Variants in HTR2C observed in about 807,000 individuals in gnomAD.
HTR2C encodes 5-hydroxytryptamine (serotonin) receptor 2C, G protein-coupled.
Under a neutral mutation model 21.0 loss-of-function variants are expected in HTR2C, and 5 were observed. The observed-to-expected ratio is 0.24, with a 90% CI of 0.12 to 0.50. HTR2C has a LOEUF of 0.50. Ranked by LOEUF, HTR2C falls within the 20% of genes least tolerant of loss-of-function variation. The pLI, the probability that HTR2C is intolerant of heterozygous loss-of-function variation, is 0.98. For missense variants in HTR2C, 271 were observed against 371.2 expected, an observed-to-expected ratio of 0.73 and a Z score of 2.22; for synonymous variants, 150 against 145.3, an observed-to-expected ratio of 1.03 and a Z score of -0.23.
intron 5 of HTR2C, among the ~76,000 whole-genome samples, chrX:114,864,175 G>C (rs1556473864): frequency 1.0e-5 from 1 of 96,008 alleles, no homozygotes; most frequent in East Asian, 3.5e-4. Context: ...CCATTTTCTT[G>C]TTTGTTTTCT....
Position 114,723,709 on chromosome X carries a change from T to A in HTR2C, c.-79-3149T>A, listed in dbSNP as rs782368796. ...TGAATGCGTCCCAGAGATTCTGGTA[T>A]GTTGTGTCTTTGCTCTCATTGGTTT... On this transcript the variant is annotated intron_variant, in intron 2 of 5. Transcript: ENST00000276198. 1.3e-4 allele frequency among the ~76,000 whole-genome samples: 15 copies of A among 111,127 alleles called. No individual in the cohort carries two copies. In the East Asian group the frequency reaches 3.4e-3, roughly 25 times the overall value.
intron 4 of HTR2C, among the ~76,000 whole-genome samples, chrX:114,797,271 G>T (rs1312388934): frequency 1.8e-5 from 2 of 111,119 alleles, no homozygotes; most frequent in African/African-American, 6.5e-5. Flanking sequence ...GTTCTGGTAA[G>T]ACCAATATGT....
intron 1 of HTR2C, among the ~76,000 whole-genome samples, chrX:114,587,508 A>G (rs1250859833): frequency 8.9e-6 from 1 of 112,232 alleles, no homozygotes; most frequent in Non-Finnish European, 1.9e-5. Context: ...AGTTAATAAT[A>G]TATTATTGTG....
rs200743712 is a variant in HTR2C, at chrX:114,906,647, C to T, written c.609C>T (p.Asn203=). 1 of 1,210,579 alleles carries T rather than the reference C, an allele frequency of 8.3e-7. No homozygotes were observed. The highest frequency in any genetic ancestry group is 1.1e-6 in the Non-Finnish European group (1 of 894,854). ...GGGACGAAGAAAAGGTGTTCGTGAA[C>T]AACACGACGTGCGTGCTCAACGACC... The part of the protein sequence containing the change: ...GLRDEEKVFV[N]NTTCVLNDPN... The change falls in exon 6 of 6, where the codon AAC becomes AAT. Residue 203 remains asparagine (N), a synonymous_variant. Transcript: ENST00000276198.
At chrX:114,822,494 C>G (rs1341105448) in intron 4 of HTR2C, among the ~76,000 whole-genome samples, 1 of 112,195 alleles carries the variant, frequency 8.9e-6, no homozygotes, top group East Asian at 2.8e-4. Flanking sequence ...TTCCACCACT[C>G]AAGATCCATA....
chrX:114,593,128 AGAC>A (rs1344320269), intron 1 of HTR2C, among the ~76,000 whole-genome samples: 2 of 112,458 alleles, frequency 1.8e-5, no homozygotes, highest in East Asian at 5.6e-4. Flanking sequence ...CAGTGTAAAA[AGAC>A]TACTGGCCAT....
intron 5 of HTR2C, among the ~76,000 whole-genome samples, chrX:114,855,705 A>G (rs1183535803): frequency 9.7e-6 from 1 of 103,313 alleles, no homozygotes; most frequent in Non-Finnish European, 2.0e-5. Flanking sequence ...TAATCTTGCA[A>G]CTCTAACAAT....
intron 2 of HTR2C, among the ~76,000 whole-genome samples, chrX:114,720,621 T>C (rs1556420490): frequency 2.2e-5 from 2 of 91,096 alleles, no homozygotes; most frequent in South Asian, 7.0e-4. Flanking sequence ...ACCCACTAAC[T>C]CGTCATCGAG....
At chrX:114,873,971 T>G (rs2071111987) in intron 5 of HTR2C, among the ~76,000 whole-genome samples, 1 of 110,654 alleles carries the variant, frequency 9.0e-6, no homozygotes, top group African/African-American at 3.3e-5. Flanking sequence ...TACATCATTC[T>G]ACTCTCTGCT....
At chrX:114,635,188 C>T (rs1929796622) in intron 2 of HTR2C, among the ~76,000 whole-genome samples, 1 of 112,093 alleles carries the variant, frequency 8.9e-6, no homozygotes, top group Non-Finnish European at 1.9e-5. Context: ...TGTCCCTTAC[C>T]TGAAGAAGCA....
At chrX:114,868,512 G>A (rs1000834287) in intron 5 of HTR2C, among the ~76,000 whole-genome samples, 1 of 111,178 alleles carries the variant, frequency 9.0e-6, no homozygotes, top group African/African-American at 3.3e-5. Context: ...TTTAATGGCT[G>A]AATAATAACC....
At chrX:114,706,478 T>C (rs1473180770) in intron 2 of HTR2C, among the ~76,000 whole-genome samples, 1 of 99,476 alleles carries the variant, frequency 1.0e-5, no homozygotes, top group African/African-American at 3.7e-5. Context: ...AAACACCGCA[T>C]GTTCTCACTC....
intron 1 of HTR2C, among the ~76,000 whole-genome samples, chrX:114,586,851 G>A (rs184789981): frequency 1.2e-3 from 138 of 110,799 alleles, no homozygotes; most frequent in African/African-American, 4.3e-3. Flanking sequence ...ATGAATGACG[G>A]AGATATTATT....
At chrX:114,671,082 A>G (rs1556411645) in intron 2 of HTR2C, among the ~76,000 whole-genome samples, 1 of 111,946 alleles carries the variant, frequency 8.9e-6, no homozygotes, top group African/African-American at 3.2e-5. Flanking sequence ...AATAATTTTA[A>G]TTAATATATA....
intron 5 of HTR2C, among the ~76,000 whole-genome samples, chrX:114,883,223 T>A (rs2071195257): frequency 9.1e-6 from 1 of 110,445 alleles, no homozygotes; most frequent in South Asian, 3.8e-4. Flanking sequence ...TCATTTTTGA[T>A]CCTAATAATT....
rs1401100035 is a variant in HTR2C, at chrX:114,860,980, G to A, written c.550+12777G>A. The stretch of plus-strand genomic sequence containing the variant: ...TGAGATACATAGAGATAGTAAAAAG[G>A]TTACTATAGTGAAGCAAATGAATAT... On this transcript the variant is annotated intron_variant, in intron 5 of 5. Coordinates refer to ENST00000276198, the MANE Select transcript of HTR2C (RefSeq NM_000868.4). Among the ~76,000 whole-genome samples the A allele has an allele frequency of 2.7e-5, 3 of 111,179 alleles. No homozygotes were observed. The Admixed American group carries it at 2.9e-4, about 11-fold the overall frequency.
At chrX:114,805,868 T>TATATATACCATATATATACCATATATACC (rs1282513187) in intron 4 of HTR2C, among the ~76,000 whole-genome samples, 2 of 89,262 alleles carry the variant, frequency 2.2e-5, no homozygotes, top group African/African-American at 8.2e-5. Context: ...ATATATACCA[T>TATATATACCATATATATACCATATATACC]ATATATACAC....
chrX:114,633,692 C>G (rs1394553387), intron 2 of HTR2C, among the ~76,000 whole-genome samples: 2 of 110,226 alleles, frequency 1.8e-5, no homozygotes, highest in East Asian at 5.7e-4. Context: ...AAAATTGTAT[C>G]AAAATTTATT....
At chrX:114,612,293 A>C (rs900450032) in intron 1 of HTR2C, among the ~76,000 whole-genome samples, 6 of 111,953 alleles carry the variant, frequency 5.4e-5, no homozygotes, top group Admixed American at 2.9e-4. Context: ...TACATCACTC[A>C]ATTTTACTTA....
Sources: gnomAD v4.1 joint callset for allele counts (sites outside exome capture counted in the v4.1 genomes callset) on GRCh38, gnomAD v4.1.1 for gene constraint, MANE v1.5 for transcripts, NCBI Gene and HGNC (gene_info 2026-07-23, HGNC 2026-07-21) for gene names.